The following USP3 variants were observed in gnomAD, a reference collection of about 807,000 sequenced individuals.
The protein encoded by USP3 is ubiquitin specific peptidase 3, also known as ubiquitin carboxyl-terminal hydrolase 3.
In USP3, 20 loss-of-function variants were observed where a neutral mutation model predicts 72.3. The observed-to-expected ratio is 0.28, with a 90% CI of 0.19 to 0.40. The LOEUF (loss-of-function observed/expected upper bound fraction) is 0.40, where lower values mean the gene tolerates loss of function less well. USP3 is among the 10% of genes least tolerant of loss of function. USP3 has a pLI of 1.00. For missense variants in USP3, 479 were observed against 633.9 expected (o/e 0.76, Z 2.62); for synonymous variants, 222 against 225.3 (o/e 0.99, Z 0.13).
Position 63,588,043 on chromosome 15 carries a change from C to A in USP3, c.1097-262C>A. 2 of 289,852 alleles carry A rather than the reference C, an allele frequency of 6.9e-6. No homozygotes were observed. The highest frequency in any genetic ancestry group is 1.3e-5 in the Non-Finnish European group (2 of 156,634). 18.0% of individuals were successfully genotyped at this position (289,852 alleles called of 1,614,324 possible). A position where few individuals can be genotyped will look rare whatever the true frequency, so the allele number is the denominator to read the frequency against. On this transcript the variant is annotated intron_variant, in intron 11 of 14. Coordinates refer to ENST00000380324, the MANE Select transcript of USP3 (RefSeq NM_006537.4). The surrounding 1 kb of genome is among the most constrained non-coding windows in gnomAD (Gnocchi z 4.6). ...TATCAGAATTATCCAGATGAATTAT[C>A]ATTAATAGTAAAACCAACACAATTG...
chr15:63,552,902 G>A (rs1291484427), intron 3 of USP3, among the ~76,000 whole-genome samples: 1 of 152,114 alleles, frequency 6.6e-6, no homozygotes, highest in African/African-American at 2.4e-5. Context: ...TTCATGCAAA[G>A]CATATTCAAA....
chr15:63,561,702 A>C (rs2066610801), intron 7 of USP3, among the ~76,000 whole-genome samples: 2 of 152,222 alleles, frequency 1.3e-5, no homozygotes, highest in East Asian at 3.8e-4. Flanking sequence ...CTGGCTGTTT[A>C]GCTTCGGAAG....
At chr15:63,557,174 G>A (rs2066525235) in intron 5 of USP3, among the ~76,000 whole-genome samples, 1 of 152,152 alleles carries the variant, frequency 6.6e-6, no homozygotes, top group South Asian at 2.1e-4. Flanking sequence ...AGGCTGAAGT[G>A]ATTCTCCTGC....
At chr15:63,577,578 C>T (rs753640271) in intron 11 of USP3, among the ~76,000 whole-genome samples, 1 of 152,084 alleles carries the variant, frequency 6.6e-6, no homozygotes, top group Non-Finnish European at 1.5e-5. Flanking sequence ...ATGGTGAAAC[C>T]CCGTCTCTAC....
intron 9 of USP3, among the ~76,000 whole-genome samples, chr15:63,571,576 T>A (rs936814032): frequency 6.6e-6 from 1 of 152,212 alleles, no homozygotes; most frequent in African/African-American, 2.4e-5. Context: ...AAGTATTAAA[T>A]GAAAAATTCT....
At chr15:63,573,536 T>C (rs2066813194) in intron 9 of USP3, among the ~76,000 whole-genome samples, 2 of 152,388 alleles carry the variant, frequency 1.3e-5, no homozygotes, top group South Asian at 4.1e-4. Context: ...TTACTAAATC[T>C]GTATTAAATT....
chr15:63,530,209 C>A (rs1326790271), intron 1 of USP3, among the ~76,000 whole-genome samples: 1 of 152,020 alleles, frequency 6.6e-6, no homozygotes, highest in East Asian at 1.9e-4. Context: ...TAATATTAAC[C>A]TATAAGAGTT....
intron 5 of USP3, 104 bp from the exon 6 acceptor site, chr15:63,558,002 A>G: frequency 6.3e-6 from 7 of 1,109,600 alleles, no homozygotes; most frequent in Non-Finnish European, 9.5e-6. Context: ...CCAATTCCAA[A>G]TTGGCTTGGT....
At chr15:63,508,666 A>G (rs57932859) in intron 1 of USP3, among the ~76,000 whole-genome samples, 69,658 of 151,988 alleles carry the variant, frequency 0.46, 17,146 homozygotes, top group Non-Finnish European at 0.56. Flanking sequence ...TTTGTGGGTA[A>G]AAGAGTTTAA....
chr15:63,578,960 C>G (rs753999139), intron 11 of USP3, among the ~76,000 whole-genome samples: 1 of 152,110 alleles, frequency 6.6e-6, no homozygotes, highest in African/African-American at 2.4e-5. Context: ...AGGACACCTG[C>G]TTTTCTAGAA....
At position 63,592,429 on chromosome 15, in the gene USP3, C is replaced by G. The variant is rs1432087952; in HGVS notation, c.*1603C>G. On this transcript the variant is annotated 3_prime_UTR_variant, in exon 15 of 15. Coordinates refer to ENST00000380324, the MANE Select transcript of USP3 (RefSeq NM_006537.4). ...GGGACAAAATGTATCTTGTGTTAAG[C>G]CAACGAGACTTTCTGGCAATTTTTT... 6.7e-6 allele frequency: 1 copy of G among 149,086 alleles called. No homozygotes were observed. The highest frequency in any genetic ancestry group is 1.5e-5 in the Non-Finnish European group (1 of 67,456). 9.2% of individuals were successfully genotyped at this position (149,086 alleles called of 1,614,324 possible).
rs2067238460 is a variant in USP3 at position 63,593,367 on chromosome 15, A to C, written c.*2541A>C. 1 of 152,190 alleles carries C rather than the reference A, an allele frequency of 6.6e-6. No individual in the cohort carries two copies. The highest frequency in any genetic ancestry group is 2.1e-4 in the South Asian group (1 of 4,838). 9.4% of individuals were successfully genotyped at this position (152,190 alleles called of 1,614,324 possible). On this transcript the variant is annotated 3_prime_UTR_variant, in exon 15 of 15. Transcript: ENST00000380324. ...TATGAATCCGGGCTCTTTTGCTTAG[A>C]AGGTAGACAGCTGTAACCTCTAACA...
chr15:63,545,855 C>T (rs2066314037), intron 3 of USP3, among the ~76,000 whole-genome samples: 1 of 150,862 alleles, frequency 6.6e-6, no homozygotes, highest in Admixed American at 6.6e-5. Flanking sequence ...TCTGTAGTCT[C>T]AGCTACTCGG....
chr15:63,530,459 C>T (rs190794716), intron 1 of USP3: 335 of 319,334 alleles, frequency 1.0e-3, no homozygotes, highest in African/African-American at 7.2e-3. Context: ...ACTGTAGGCA[C>T]GTGCCACCAC....
At chr15:63,543,727 A>G (rs994594379) in intron 3 of USP3, among the ~76,000 whole-genome samples, 2 of 152,256 alleles carry the variant, frequency 1.3e-5, no homozygotes, top group Admixed American at 6.5e-5. Context: ...GCAAATGGAT[A>G]CATTTTCCTA....
rs1413816855 is a variant in USP3, at chr15:63,574,288, T to C, written c.1016-35T>C. ...TATTTTGAATGGACATATATGCCTT[T>C]AACAGCTCTCTGTTTACCTCTCTCT... On this transcript the variant is annotated intron_variant, in intron 10 of 14. Coordinates refer to ENST00000380324, the MANE Select transcript of USP3 (RefSeq NM_006537.4). The surrounding 1 kb of genome is among the most constrained non-coding windows in gnomAD (Gnocchi z 4.6). The C allele has an allele frequency of 6.5e-7, 1 of 1,547,712 alleles. No individual in the cohort carries two copies. Among genetic ancestry groups the C allele is most frequent in the Admixed American group, 2.0e-5 (1 of 49,360 alleles).
At chr15:63,580,505 A>C (rs1195527528) in intron 11 of USP3, among the ~76,000 whole-genome samples, 1 of 151,320 alleles carries the variant, frequency 6.6e-6, no homozygotes, top group Non-Finnish European at 1.5e-5. Flanking sequence ...CCTAATAACT[A>C]ACTTCAACAA....
intron 3 of USP3, among the ~76,000 whole-genome samples, chr15:63,540,456 G>T (rs766828794): frequency 6.6e-6 from 1 of 152,180 alleles, no homozygotes; most frequent in Admixed American, 6.5e-5. Context: ...GGTGACATAC[G>T]TTTGAAAGAC....
At chr15:63,548,330 G>GT (rs918299121) in intron 3 of USP3, among the ~76,000 whole-genome samples, 29 of 149,524 alleles carry the variant, frequency 1.9e-4, no homozygotes, top group South Asian at 4.2e-4. Flanking sequence ...TTTTTGCTTT[G>GT]TTTTTTTTGG....
Sources: allele counts gnomAD v4.1 joint callset (sites outside exome capture counted in the v4.1 genomes callset), GRCh38; gene constraint gnomAD v4.1.1; non-coding constraint Gnocchi (gnomAD v3.1); transcripts MANE v1.5; gene names NCBI Gene and HGNC (gene_info 2026-07-23, HGNC 2026-07-21).